The following COL6A2 variants were observed in gnomAD, a reference collection of about 807,000 sequenced individuals.
COL6A2 encodes collagen alpha-2(VI) chain.
Under a neutral mutation model 124.9 loss-of-function variants are expected in COL6A2, and 90 were observed. The observed-to-expected ratio is 0.72, with a 90% CI of 0.61 to 0.86. The LOEUF (loss-of-function observed/expected upper bound fraction) is 0.86, where lower values mean the gene tolerates loss of function less well. Among genes scored for constraint, COL6A2 ranks in the 40% least tolerant of loss-of-function variants. The pLI is 0.00. For missense variants in COL6A2, 1,607 were observed against 1,502.5 expected (o/e 1.07, Z -1.15); for synonymous variants, 793 against 618.2 (o/e 1.28, Z -4.19).
At chr21:46,107,431 AT>A (rs1174618294) in intron 1 of COL6A2, among the ~76,000 whole-genome samples, 1 of 152,162 alleles carries the variant, frequency 6.6e-6, no homozygotes, top group African/African-American at 2.4e-5. Flanking sequence ...ACCCCAAAAC[AT>A]GTTTCTTTGC....
Position 46,126,545 on chromosome 21 carries a change from A to C in COL6A2, c.2461+4A>C. On this transcript the variant is annotated splice_donor_region_variant and intron_variant, in intron 27 of 27. Coordinates refer to ENST00000300527, the MANE Select transcript of COL6A2 (RefSeq NM_001849.4). ...CCAGACCTTCCCTGCCAAACAGGTA[A>C]TGCAGGGCACCCTGAGCCACCACCC... is the stretch of plus-strand genomic sequence containing the variant. The C allele has an allele frequency of 6.2e-7, 1 of 1,613,422 alleles. No individual in the cohort carries two copies. Among genetic ancestry groups the C allele is most frequent in the Non-Finnish European group, 8.5e-7 (1 of 1,179,914 alleles).
At position 46,122,088 on chromosome 21, in the gene COL6A2, G is replaced by A. The variant is rs368072665; in HGVS notation, c.1522-20G>A. 674 of 1,612,196 alleles carry A rather than the reference G, an allele frequency of 4.2e-4. No homozygotes were observed. Among genetic ancestry groups the A allele is most frequent in the Non-Finnish European group, 5.3e-4 (628 of 1,179,792 alleles). On this transcript the variant is annotated intron_variant, in intron 18 of 27. Transcript: ENST00000300527. Reference sequence around the variant, plus strand: ...ACCCCGTCCTATGACCATGCTGACCGACTCAACGTCCTCCTCCAGGGAGAC... The same window carrying A: ...ACCCCGTCCTATGACCATGCTGACCAACTCAACGTCCTCCTCCAGGGAGAC...
At chr21:46,099,887 G>GTATTTTTT (rs2078269010) in intron 1 of COL6A2, among the ~76,000 whole-genome samples, 1 of 61,450 alleles carries the variant, frequency 1.6e-5, no homozygotes. Context: ...TAGCAGCACT[G>GTATTTTTT]TCTTTTTTTT....
chr21:46,118,375 C>G (rs2078509098), intron 12 of COL6A2, among the ~76,000 whole-genome samples: 1 of 152,190 alleles, frequency 6.6e-6, no homozygotes, highest in Non-Finnish European at 1.5e-5. Context: ...AGCCCAAGCC[C>G]AAGTCTGGCT....
rs1461447999 is a variant in COL6A2, at chr21:46,126,555, C to A, written c.2461+14C>A. 6.2e-7 allele frequency: 1 copy of A among 1,613,360 alleles called. No individual in the cohort carries two copies. The highest frequency in any genetic ancestry group is 1.3e-5 in the African/African-American group (1 of 75,038). ...CCTGCCAAACAGGTAATGCAGGGCA[C>A]CCTGAGCCACCACCCCAGACTAGCA... is the stretch of plus-strand genomic sequence containing the variant. On this transcript the variant is annotated intron_variant, in intron 27 of 27. Transcript: ENST00000300527.
intron 1 of COL6A2, among the ~76,000 whole-genome samples, chr21:46,105,910 A>G (rs137973907): frequency 1.3e-5 from 2 of 152,230 alleles, no homozygotes; most frequent in Non-Finnish European, 2.9e-5. Context: ...AAACTCTCCA[A>G]ACTCTCTCTG....
Position 46,116,119 on chromosome 21 carries a change from C to G in COL6A2, c.900+66C>G, listed in dbSNP as rs1176682184. Reference sequence around the variant, plus strand: ...CCCAGCACTGCCAGGCAGGCTCCCCCCAGCCCAGCCTCGGCCTCAGCCTCT... The same window carrying G: ...CCCAGCACTGCCAGGCAGGCTCCCCGCAGCCCAGCCTCGGCCTCAGCCTCT... On this transcript the variant is annotated intron_variant, in intron 7 of 27. Transcript: ENST00000300527. The surrounding 1 kb of genome is among the most constrained non-coding windows in gnomAD (Gnocchi z 4.6). 5.5e-5 allele frequency: 83 copies of G among 1,501,208 alleles called. No individual in the cohort carries two copies. The highest frequency in any genetic ancestry group is 8.3e-5 in the African/African-American group (6 of 72,176). 93.0% of individuals were successfully genotyped at this position (1,501,208 alleles called of 1,614,324 possible).
intron 17 of COL6A2, 135 bp downstream of exon 17, chr21:46,121,258 A>T (rs555594916): frequency 1.1e-6 from 1 of 893,164 alleles, no homozygotes; most frequent in East Asian, 2.6e-5. Flanking sequence ...AGAAGCCAGG[A>T]CCTGCTCCCC....
rs771506373 is a variant in COL6A2, at chr21:46,111,455, C to T, written c.-22C>T. The T allele has an allele frequency of 6.3e-7, 1 of 1,594,220 alleles. No individual in the cohort carries two copies. The highest frequency in any genetic ancestry group is 1.7e-5 in the Admixed American group (1 of 59,852). On this transcript the variant is annotated 5_prime_UTR_variant, in exon 2 of 28. Transcript: ENST00000300527. Reference sequence around the variant, plus strand: ...GACCCCCACCCCTGTTGCAGGACTTCAGGGCCACAGGTGCTGCCAAGATGC... The same window carrying T: ...GACCCCCACCCCTGTTGCAGGACTTTAGGGCCACAGGTGCTGCCAAGATGC...
intron 27 of COL6A2, chr21:46,129,468 G>A (rs549699042): frequency 3.2e-5 from 51 of 1,596,478 alleles, no homozygotes; most frequent in East Asian, 1.6e-4. Flanking sequence ...GGGGGACCCC[G>A]AGACCGCGCT....
Position 46,132,429 on chromosome 21 carries a change from C to A in COL6A2, c.2937C>A (p.Asp979Glu), listed in dbSNP as rs150716220. The stretch of plus-strand genomic sequence containing the variant: ...CCACCGTGCTGGCCTTGGGCAGCGA[C>A]GTGGACATGGACGTGCTCACCACGC... ...VVPTVLALGS[D>E]VDMDVLTTLS... The change falls in exon 28 of 28, where the codon GAC becomes GAA. Residue 979 changes from aspartate to glutamate, a missense_variant. Coordinates refer to ENST00000300527, the MANE Select transcript of COL6A2 (RefSeq NM_001849.4). 6.2e-7 allele frequency: 1 copy of A among 1,606,958 alleles called. No individual in the cohort carries two copies. Among genetic ancestry groups the A allele is most frequent in the East Asian group, 2.2e-5 (1 of 44,736 alleles).
At position 46,120,535 on chromosome 21, in the gene COL6A2, GC is replaced by G; in HGVS notation, c.1357del (p.Arg453AlafsTer92). 1 of 1,483,108 alleles carries G rather than the reference GC, an allele frequency of 6.7e-7. No homozygotes were observed. The highest frequency in any genetic ancestry group is 1.4e-5 in the South Asian group (1 of 74,038). 91.9% of individuals were successfully genotyped at this position (1,483,108 alleles called of 1,614,324 possible). A position where few individuals can be genotyped will look rare whatever the true frequency, so the allele number is the denominator to read the frequency against. ...GEKGDPGPEG[P>X]RGLAGEVGNK... ...CACAGGGGGACCCTGGCCCTGAGGG[GC>G]CCCGCGGCCTGGCTGGAGAGGTTGG... On this transcript the variant is annotated frameshift_variant, in exon 16 of 28. Coordinates refer to ENST00000300527, the MANE Select transcript of COL6A2 (RefSeq NM_001849.4). LOFTEE classifies it high-confidence loss of function.
chr21:46,129,115 C>T lies in COL6A2; in HGVS notation c.2461+2574C>T, dbSNP rs577567778. The T allele has an allele frequency of 1.1e-4, 171 of 1,606,554 alleles. No homozygotes were observed. In the African/African-American group the frequency reaches 1.5e-3, roughly 14 times the overall value. ...CAAATGCCGCTCTTCACTCTGGCCT[C>T]GCTGAGCGGCTGCCCGAGGAGGAGC... On this transcript the variant is annotated intron_variant, in intron 27 of 27. Coordinates refer to ENST00000300527, the MANE Select transcript of COL6A2 (RefSeq NM_001849.4).
rs1353286803 is a variant in COL6A2, at chr21:46,116,434, C to T, written c.927+31C>T. On this transcript the variant is annotated intron_variant, in intron 8 of 27. Coordinates refer to ENST00000300527, the MANE Select transcript of COL6A2 (RefSeq NM_001849.4). This position sits in a 1 kb window ranked among gnomAD's most constrained non-coding sequence, Gnocchi z 4.6. Reference sequence around the variant, plus strand: ...GCTCTTGCCCTGACAGACCTCAGACCTGCGCCAGCCTCGGCCCAGACCCAC... The same window carrying T: ...GCTCTTGCCCTGACAGACCTCAGACTTGCGCCAGCCTCGGCCCAGACCCAC... 8.7e-6 allele frequency: 14 copies of T among 1,612,418 alleles called. No individual in the cohort carries two copies. Among genetic ancestry groups the T allele is most frequent in the Non-Finnish European group, 1.2e-5 (14 of 1,179,908 alleles).
Position 46,129,750 on chromosome 21 carries a change from A to C in COL6A2, c.2462-2204A>C, listed in dbSNP as rs2078736031. The C allele has an allele frequency of 3.7e-6, 5 of 1,348,648 alleles. No individual in the cohort carries two copies. The South Asian group carries it at 1.0e-4, about 27-fold the overall frequency. 83.5% of individuals were successfully genotyped at this position (1,348,648 alleles called of 1,614,324 possible). A position where few individuals can be genotyped will look rare whatever the true frequency, so the allele number is the denominator to read the frequency against. ...CTCTTTATAAGAACCCTGGTCATTG[A>C]ATTTAAGGCCCACCCCAAGTCCAGA... On this transcript the variant is annotated intron_variant, in intron 27 of 27. Coordinates refer to ENST00000300527, the MANE Select transcript of COL6A2 (RefSeq NM_001849.4).
chr21:46,129,399 C>T (rs540095713), intron 27 of COL6A2: 15 of 1,612,818 alleles, frequency 9.3e-6, no homozygotes, highest in African/African-American at 6.7e-5. Context: ...CGGGGTAGAG[C>T]GGCAGGACTG....
rs1163374532 is a variant in COL6A2, at chr21:46,130,678, GC to G, written c.2462-1272del. On this transcript the variant is annotated intron_variant, in intron 27 of 27. Coordinates refer to ENST00000300527, the MANE Select transcript of COL6A2 (RefSeq NM_001849.4). ...TGGACAGAGACCCCCAAAACCAGCT[GC>G]CCCTTGCATGTCTGTCTCCATATGT... 3.3e-5 allele frequency among the ~76,000 whole-genome samples: 5 copies of G among 152,198 alleles called. No homozygotes were observed. The South Asian group carries it at 8.3e-4, about 25-fold the overall frequency.
chr21:46,131,754 G>A (rs961379905), intron 27 of COL6A2, among the ~76,000 whole-genome samples, 200 bp from the exon 28 acceptor site: 31 of 152,152 alleles, frequency 2.0e-4, no homozygotes, highest in East Asian at 3.9e-4. Flanking sequence ...AGGAGATGGC[G>A]GCTCCCAGCA....
chr21:46,100,093 T>TTTTG lies in COL6A2; in HGVS notation c.-28+1936_-28+1939dup, dbSNP rs372761367. Among the ~76,000 whole-genome samples the TTTTG allele has an allele frequency of 1.1e-4, 16 of 151,960 alleles. No homozygotes were observed. The South Asian group carries it at 1.9e-3, about 18-fold the overall frequency. On this transcript the variant is annotated intron_variant, in intron 1 of 27. Transcript: ENST00000300527. ...GTTCGCTTTTTGGGTTTTTTTGGTT[T>TTTTG]TTTGTTTGTTTGTTTGTTTTTTGAG...
Sources: allele counts gnomAD v4.1 joint callset (sites outside exome capture counted in the v4.1 genomes callset), GRCh38; gene constraint gnomAD v4.1.1; non-coding constraint Gnocchi (gnomAD v3.1); transcripts MANE v1.5; gene names NCBI Gene and HGNC (gene_info 2026-07-23, HGNC 2026-07-21).